Variants in DTNA observed in about 807,000 individuals in gnomAD.
DTNA encodes dystrobrevin alpha.
In DTNA, 43 loss-of-function variants were observed where a neutral mutation model predicts 100.7. The ratio of observed to expected loss-of-function variants is 0.43; its 90% CI spans 0.33 to 0.55. The LOEUF (loss-of-function observed/expected upper bound fraction) is 0.55. Among genes scored for constraint, DTNA ranks in the 20% least tolerant of loss-of-function variants. The pLI is 0.04. For synonymous variants in DTNA, 349 were observed against 347.9 expected (o/e 1.00, Z -0.04); for missense variants, 798 against 953.9 (o/e 0.84, Z 2.15).
chr18:34,831,529 A>T (rs908841087), intron 11 of DTNA, among the ~76,000 whole-genome samples: 1 of 152,208 alleles, frequency 6.6e-6, no homozygotes, highest in African/African-American at 2.4e-5. Flanking sequence ...GCAATTTGGG[A>T]GGCTGAGGTG....
At chr18:34,517,546 A>T (rs2041766410) in intron 1 of DTNA, among the ~76,000 whole-genome samples, 1 of 151,654 alleles carries the variant, frequency 6.6e-6, no homozygotes, top group Non-Finnish European at 1.5e-5. Context: ...CACTAAAATC[A>T]AGATAGAGAA....
At chr18:34,594,166 G>A (rs1362236195) in intron 1 of DTNA, among the ~76,000 whole-genome samples, 2 of 151,260 alleles carry the variant, frequency 1.3e-5, no homozygotes, top group Non-Finnish European at 2.9e-5. Flanking sequence ...GCTGAAATTT[G>A]CTAAGTGGAT....
chr18:34,704,285 A>C (rs1054028719), intron 1 of DTNA, among the ~76,000 whole-genome samples: 1 of 152,234 alleles, frequency 6.6e-6, no homozygotes, highest in South Asian at 2.1e-4. Context: ...GAAGGAAGGG[A>C]GAAAGTGGAG....
At chr18:34,877,547 T>TTTG (rs1555891227) in intron 18 of DTNA, among the ~76,000 whole-genome samples, 172 bp from the exon 19 acceptor site, 3 of 152,138 alleles carry the variant, frequency 2.0e-5, no homozygotes, top group African/African-American at 4.8e-5. Context: ...TAAGCAGTGT[T>TTTG]TTGTTGTTGT....
At chr18:34,590,036 G>A (rs960830636) in intron 1 of DTNA, among the ~76,000 whole-genome samples, 23 of 152,074 alleles carry the variant, frequency 1.5e-4, no homozygotes, top group African/African-American at 5.6e-4. Flanking sequence ...CCCACATCTT[G>A]GTTATTGTGA....
At chr18:34,709,434 A>T (rs1053721416), upstream of DTNA, 1 of 152,246 alleles carries the variant, frequency 6.6e-6, no homozygotes, top group Non-Finnish European at 1.5e-5. Flanking sequence ...AGGAAGGACC[A>T]TGCTGACATG....
chr18:34,766,193 T>A lies in DTNA; in HGVS notation c.148+152T>A, dbSNP rs4145731. 1,974 of 895,190 alleles carry A rather than the reference T, an allele frequency of 2.2e-3. 40 individuals carry two copies. The East Asian group carries it at 0.043, about 19-fold the overall frequency. The allele number at this position is 895,190 out of a possible 1,614,324, so 55.5% of individuals were successfully genotyped here. On this transcript the variant is annotated intron_variant, in intron 3 of 22. Transcript: ENST00000444659. ...TAAAAGGGGTATTATGAGGCACAAA[T>A]GGTAGAGATGACTCCTAAGTAGTCT...
intron 1 of DTNA, among the ~76,000 whole-genome samples, chr18:34,568,798 A>T (rs2047315044): frequency 6.6e-6 from 1 of 151,910 alleles, no homozygotes; most frequent in Non-Finnish European, 1.5e-5. Flanking sequence ...TAATTTTTGT[A>T]TTTATAGTAG....
At chr18:34,537,964 G>A (rs976465393) in intron 1 of DTNA, among the ~76,000 whole-genome samples, 23 of 151,962 alleles carry the variant, frequency 1.5e-4, no homozygotes, top group Non-Finnish European at 3.2e-4. Flanking sequence ...GATAGATAGG[G>A]AAAGGCAACG....
At chr18:34,713,830 C>A (rs2083390388) in intron 1 of DTNA, among the ~76,000 whole-genome samples, 1 of 151,576 alleles carries the variant, frequency 6.6e-6, no homozygotes, top group African/African-American at 2.4e-5. Flanking sequence ...TTGAAGAGGT[C>A]CTTCACATCC....
chr18:34,633,278 C>T (rs953043789), intron 1 of DTNA, among the ~76,000 whole-genome samples: 22 of 151,958 alleles, frequency 1.4e-4, no homozygotes, highest in African/African-American at 5.1e-4. Flanking sequence ...AATCTAAAGT[C>T]GGTGAAATAC....
chr18:34,708,775 T>C (rs983594060), upstream of DTNA, among the ~76,000 whole-genome samples: 1 of 152,214 alleles, frequency 6.6e-6, no homozygotes, highest in African/African-American at 2.4e-5. Context: ...AAAAATCACA[T>C]ATTGACTAAA....
intron 1 of DTNA, among the ~76,000 whole-genome samples, chr18:34,635,057 A>G (rs1407166264): frequency 6.6e-6 from 1 of 152,082 alleles, no homozygotes; most frequent in African/African-American, 2.4e-5. Context: ...GCTAACCACC[A>G]TTCTATTCTA....
Position 34,634,372 on chromosome 18 carries a change from C to A in DTNA, c.-1-121604C>A, listed in dbSNP as rs2058428710. On this transcript the variant is annotated intron_variant, in intron 1 of 19. Coordinates refer to the DTNA transcript ENST00000283365. ...AAATTTTTTTACTTACCTATTAAGT[C>A]AAAAATAACAAACCATTTACATATT... Among the ~76,000 whole-genome samples, 3 of 151,890 alleles carry A rather than the reference C, an allele frequency of 2.0e-5. No homozygotes were observed. The South Asian group carries it at 6.2e-4, about 31-fold the overall frequency.
At chr18:34,743,275 C>T (rs888296654) in intron 1 of DTNA, among the ~76,000 whole-genome samples, 1 of 152,142 alleles carries the variant, frequency 6.6e-6, no homozygotes, top group Non-Finnish European at 1.5e-5. Flanking sequence ...TAACTTTTGG[C>T]TGCTCATACC....
chr18:34,627,684 G>A (rs2057511390), intron 1 of DTNA, among the ~76,000 whole-genome samples: 1 of 152,100 alleles, frequency 6.6e-6, no homozygotes, highest in African/African-American at 2.4e-5. Flanking sequence ...TTGGAACATG[G>A]TGATCAACCT....
chr18:34,671,216 A>G (rs1055604168), intron 1 of DTNA, among the ~76,000 whole-genome samples: 1 of 152,152 alleles, frequency 6.6e-6, no homozygotes, highest in South Asian at 2.1e-4. Context: ...GTGGGGCGTG[A>G]GACCCTCCGA....
intron 16 of DTNA, 119 bp downstream of exon 16, chr18:34,858,517 T>C: frequency 1.0e-6 from 1 of 964,718 alleles, no homozygotes; most frequent in Non-Finnish European, 1.6e-6. Flanking sequence ...CATTTGTTTT[T>C]TTCATAGCAC....
intron 1 of DTNA, among the ~76,000 whole-genome samples, chr18:34,702,993 T>G (rs1263725370): frequency 6.6e-6 from 1 of 151,400 alleles, no homozygotes; most frequent in African/African-American, 2.4e-5. Flanking sequence ...TAACTTTTAT[T>G]GTTTAATTGG....
Sources: allele counts gnomAD v4.1 joint callset (sites outside exome capture counted in the v4.1 genomes callset), GRCh38; gene constraint gnomAD v4.1.1; transcripts MANE v1.5; gene names NCBI Gene and HGNC (gene_info 2026-07-23, HGNC 2026-07-21).